Variants in CCDC12 observed in about 807,000 individuals in gnomAD.
CCDC12 encodes coiled-coil domain containing 12.
Under a neutral mutation model 25.7 loss-of-function variants are expected in CCDC12, and 28 were observed. That is an observed-to-expected ratio of 1.09 (90% CI 0.81 to 1.50). CCDC12 has a LOEUF of 1.50. Ranked by LOEUF, CCDC12 falls within the 40% of genes most tolerant of loss-of-function variation. The pLI is 0.00. For synonymous variants in CCDC12, 75 were observed against 87.7 expected, an observed-to-expected ratio of 0.86 and a Z score of 0.81; for missense variants, 198 against 210.0, an observed-to-expected ratio of 0.94 and a Z score of 0.35.
chr3:46,949,741 C>T (rs368378625), intron 1 of CCDC12, among the ~76,000 whole-genome samples: 1 of 152,180 alleles, frequency 6.6e-6, no homozygotes, highest in Non-Finnish European at 1.5e-5. Context: ...TGAAAAACTG[C>T]CTGCTGGCCG....
At chr3:46,947,911 A>G (rs760568732) in intron 1 of CCDC12, among the ~76,000 whole-genome samples, 1 of 152,218 alleles carries the variant, frequency 6.6e-6, no homozygotes, top group African/African-American at 2.4e-5. Context: ...TACTGACATC[A>G]TATCACCATT....
At chr3:46,968,539 C>T (rs554404050) in intron 1 of CCDC12, among the ~76,000 whole-genome samples, 1 of 152,290 alleles carries the variant, frequency 6.6e-6, no homozygotes, top group East Asian at 1.9e-4. Context: ...CTGATGAGTT[C>T]AGAAGCTGTA....
chr3:46,940,269 T>C (rs1016264360), intron 2 of CCDC12, among the ~76,000 whole-genome samples: 1 of 151,820 alleles, frequency 6.6e-6, no homozygotes, highest in Non-Finnish European at 1.5e-5. Context: ...TCTGTGGAGG[T>C]TGCAGCCCTC....
chr3:46,975,841 ATTTTTT>A lies in CCDC12; in HGVS notation c.96+790_96+795del, dbSNP rs11356624. ...CGCCCGGCTAAATCTTTTATTTTCG[ATTTTTT>A]TTTTTTTTTTTTTTTTGAGACGGAG... On this transcript the variant is annotated intron_variant, in intron 1 of 6. Coordinates refer to ENST00000683445, the MANE Select transcript of CCDC12 (RefSeq NM_001277074.2). 3.1e-3 allele frequency among the ~76,000 whole-genome samples: 218 copies of A among 70,386 alleles called. 2 individuals carry two copies. The highest frequency in any genetic ancestry group is 0.012 in the African/African-American group (207 of 16,592). 46.2% of individuals were successfully genotyped at this position (70,386 alleles called of 152,430 possible). A position where few individuals can be genotyped will look rare whatever the true frequency, so the allele number is the denominator to read the frequency against.
intron 5 of CCDC12, 182 bp downstream of exon 5, chr3:46,923,147 C>T (rs1403201556): frequency 1.7e-6 from 1 of 587,328 alleles, no homozygotes; most frequent in Non-Finnish European, 2.5e-6. Context: ...CATCACTCCC[C>T]TCTCATCCCA....
At chr3:46,960,326 A>G (rs1415211451) in intron 1 of CCDC12, among the ~76,000 whole-genome samples, 1 of 152,144 alleles carries the variant, frequency 6.6e-6, no homozygotes, top group African/African-American at 2.4e-5. Flanking sequence ...CACTTCCTAC[A>G]TAGATGGAAG....
In CCDC12 at chr3:46,941,019, T is replaced by TC; in HGVS notation, c.142dup (p.Glu48GlyfsTer11). 6.2e-7 allele frequency: 1 copy of TC among 1,614,182 alleles called. No homozygotes were observed. Among genetic ancestry groups the TC allele is most frequent in the Non-Finnish European group, 8.5e-7 (1 of 1,180,032 alleles). ...TTACCTGTGCTTCTCGCCTTCTTCC[T>TC]CCTCTTCTCTGAGATGCTTGGTCTT... On this transcript the variant is annotated frameshift_variant, in exon 2 of 7. Transcript: ENST00000683445. LOFTEE classifies it high-confidence loss of function.
chr3:46,960,481 G>A (rs1465891476), intron 1 of CCDC12, among the ~76,000 whole-genome samples: 1 of 152,196 alleles, frequency 6.6e-6, no homozygotes, highest in Non-Finnish European at 1.5e-5. Context: ...ATGGGAGGGG[G>A]GCTGTCCTTG....
At chr3:46,925,225 G>A (rs758333175) in intron 3 of CCDC12, 2 of 689,302 alleles carry the variant, frequency 2.9e-6, no homozygotes, top group Non-Finnish European at 5.3e-6. Context: ...TCGGTCTCAG[G>A]GTGTGAGCAG....
chr3:46,980,452 C>G (rs570610029), upstream of CCDC12, among the ~76,000 whole-genome samples: 440 of 152,190 alleles, frequency 2.9e-3, 4 homozygotes, highest in Middle Eastern at 6.8e-3. Flanking sequence ...CCCCCACACC[C>G]CAGCGAACAG....
At chr3:46,967,294 T>C (rs967984279) in intron 1 of CCDC12, among the ~76,000 whole-genome samples, 2 of 152,104 alleles carry the variant, frequency 1.3e-5, no homozygotes, top group East Asian at 3.9e-4. Context: ...TCCAAGGGCA[T>C]GTCAGCTTTG....
chr3:46,976,450 G>C (rs1157166352), intron 1 of CCDC12, 187 bp downstream of exon 1: 44 of 1,424,038 alleles, frequency 3.1e-5, no homozygotes, highest in Admixed American at 5.8e-5. Context: ...ACCAGCGCCA[G>C]AGGAGTCCCA....
intron 1 of CCDC12, among the ~76,000 whole-genome samples, chr3:46,950,625 A>T (rs1470016728): frequency 1.3e-5 from 2 of 152,188 alleles, no homozygotes; most frequent in Middle Eastern, 3.4e-3. Flanking sequence ...CCCATTTTTT[A>T]AAATGTAACA....
rs180686449 is a variant in CCDC12, at chr3:46,933,957, T to C, written c.164+7041A>G. ...TTTTTTTTGAGATGGAGTCTCGCTC[T>C]GTCGTCCACTGGAGTGCAGTGGAGC... On this transcript the variant is annotated intron_variant, in intron 2 of 6. Coordinates refer to ENST00000683445, the MANE Select transcript of CCDC12 (RefSeq NM_001277074.2). Among the ~76,000 whole-genome samples the C allele has an allele frequency of 1.2e-4, 18 of 151,804 alleles. No homozygotes were observed. In the East Asian group the frequency reaches 3.3e-3, roughly 28 times the overall value.
At chr3:46,962,492 C>G (rs965954630) in intron 1 of CCDC12, among the ~76,000 whole-genome samples, 4 of 146,900 alleles carry the variant, frequency 2.7e-5, no homozygotes, top group African/African-American at 1.0e-4. Context: ...AAAGCCAAGG[C>G]AGGCAGAAGA....
chr3:46,956,202 G>C (rs2034283675), intron 1 of CCDC12, among the ~76,000 whole-genome samples: 1 of 152,220 alleles, frequency 6.6e-6, no homozygotes, highest in Admixed American at 6.5e-5. Flanking sequence ...TAGGGCTGCA[G>C]AGGCCTCAGA....
chr3:46,949,883 C>T (rs1461296741), intron 1 of CCDC12, among the ~76,000 whole-genome samples: 19 of 152,108 alleles, frequency 1.2e-4, no homozygotes, highest in African/African-American at 3.9e-4. Flanking sequence ...AAAAATTAGC[C>T]GGGCATGGTG....
intron 1 of CCDC12, among the ~76,000 whole-genome samples, chr3:46,958,010 G>T (rs2034352815): frequency 1.0e-5 from 1 of 96,416 alleles, no homozygotes; most frequent in African/African-American, 3.2e-5. Context: ...TATATGTAAA[G>T]CTAATAGAAC....
intron 4 of CCDC12, 82 bp downstream of exon 4, chr3:46,923,525 G>T (rs368026014): frequency 3.2e-5 from 47 of 1,478,794 alleles, no homozygotes; most frequent in Non-Finnish European, 3.9e-5. Context: ...GAGAAGGAAT[G>T]GGGGGCAGAG....
Sources: allele counts gnomAD v4.1 joint callset (sites outside exome capture counted in the v4.1 genomes callset), GRCh38; gene constraint gnomAD v4.1.1; transcripts MANE v1.5; gene names NCBI Gene and HGNC (gene_info 2026-07-23, HGNC 2026-07-21).